The following GOLGA5 variants were observed in gnomAD, a reference collection of about 807,000 sequenced individuals.
GOLGA5 encodes the protein golgin subfamily A member 5.
A neutral mutation model predicts 93.5 loss-of-function variants in GOLGA5; 50 were observed. The observed-to-expected ratio is 0.53, with a 90% CI of 0.43 to 0.68. The LOEUF (loss-of-function observed/expected upper bound fraction) is 0.68, where lower values mean the gene tolerates loss of function less well. GOLGA5 is among the 30% of genes least tolerant of loss of function. The pLI, the probability that GOLGA5 is intolerant of heterozygous loss-of-function variation, is 0.00. For synonymous variants in GOLGA5, 312 were observed against 304.5 expected, an observed-to-expected ratio of 1.02 and a Z score of -0.26; for missense variants, 760 against 856.4, an observed-to-expected ratio of 0.89 and a Z score of 1.40.
intron 10 of GOLGA5, among the ~76,000 whole-genome samples, chr14:92,834,508 G>A (rs181510367): frequency 1.6e-3 from 243 of 152,288 alleles, no homozygotes; most frequent in Non-Finnish European, 2.8e-3. Flanking sequence ...GAACAATGAG[G>A]AGGCATAGAA....
At position 92,816,296 on chromosome 14, in the gene GOLGA5, G is replaced by C. The variant is rs759520012; in HGVS notation, c.1366G>C (p.Glu456Gln). The change falls in exon 7 of 13, where the codon GAA becomes CAA. Residue 456 changes from glutamate (E) to glutamine (Q), a missense_variant. Physicochemically the swap from Glu to Gln is conservative, Grantham distance 29. Coordinates refer to ENST00000163416, the MANE Select transcript of GOLGA5 (RefSeq NM_005113.4). ...CAGCTTGAAAGAAGGCTCTGGTTTT[G>C]AAGGCCTAGATAGCAGCACTGCCAG... Reference protein sequence around the residue: ...INSLKEGSGFEGLDSSTASSM... With the variant: ...INSLKEGSGFQGLDSSTASSM... 3.7e-6 allele frequency: 6 copies of C among 1,613,860 alleles called. No individual in the cohort carries two copies. Among genetic ancestry groups the C allele is most frequent in the Non-Finnish European group, 5.1e-6 (6 of 1,179,794 alleles).
chr14:92,797,771 C>G lies in GOLGA5; in HGVS notation c.334C>G (p.Arg112Gly), dbSNP rs780072747. The change falls in exon 2 of 13, where the codon CGA becomes GGA. Residue 112 changes from arginine to glycine, a missense_variant. Transcript: ENST00000163416. ...TCCTAGGCCTTCATCCCATTTTGTG[C>G]GAAGAAAAAAGTCAGAACCTGATGA... is the stretch of plus-strand genomic sequence containing the variant. ...SVPRPSSHFV[R>G]RKKSEPDDEL... 6 of 1,612,398 alleles carry G rather than the reference C, an allele frequency of 3.7e-6. No individual in the cohort carries two copies. Among genetic ancestry groups the G allele is most frequent in the Non-Finnish European group, 3.4e-6 (4 of 1,179,258 alleles).
intron 8 of GOLGA5, among the ~76,000 whole-genome samples, chr14:92,821,402 T>C (rs984236078): frequency 2.6e-5 from 4 of 152,196 alleles, no homozygotes; most frequent in African/African-American, 9.6e-5. Flanking sequence ...TGTACTCATA[T>C]AATAGTTTCA....
chr14:92,834,410 G>T (rs891736347), intron 10 of GOLGA5, among the ~76,000 whole-genome samples: 6 of 150,568 alleles, frequency 4.0e-5, no homozygotes, highest in Admixed American at 1.3e-4. Flanking sequence ...CTGTGTCCAT[G>T]TGTTCTCATT....
At chr14:92,837,492 T>G in intron 12 of GOLGA5, 43 bp downstream of exon 12, 1 of 778,122 alleles carries the variant, frequency 1.3e-6, no homozygotes, top group Non-Finnish European at 2.1e-6. Flanking sequence ...ACTTGATTTT[T>G]AACTAGTTTT....
intron 8 of GOLGA5, among the ~76,000 whole-genome samples, chr14:92,820,388 C>T (rs549723423): frequency 5.9e-5 from 9 of 152,350 alleles, no homozygotes; most frequent in Middle Eastern, 3.4e-3. Context: ...CAACATGTCT[C>T]GCCTCCAGTC....
At chr14:92,810,547 A>T in intron 5 of GOLGA5, 170 bp downstream of exon 5, 1 of 434,608 alleles carries the variant, frequency 2.3e-6, no homozygotes, top group Non-Finnish European at 4.0e-6. Context: ...TCCTTGCTAA[A>T]TGTATTTAAT....
intron 8 of GOLGA5, among the ~76,000 whole-genome samples, chr14:92,820,620 C>CTATCA (rs1885298122): frequency 3.3e-5 from 5 of 152,322 alleles, no homozygotes; most frequent in Admixed American, 3.3e-4. Context: ...ATATCTCAGG[C>CTATCA]TATCACATGG....
chr14:92,829,221 C>G (rs1397159391), intron 9 of GOLGA5, among the ~76,000 whole-genome samples: 1 of 152,142 alleles, frequency 6.6e-6, no homozygotes, highest in Non-Finnish European at 1.5e-5. Context: ...TCTCAGCCTT[C>G]CAGAGTGCTG....
rs561110460 is a variant in GOLGA5, at chr14:92,823,871, A to G, written c.1621-675A>G. 5.9e-5 allele frequency among the ~76,000 whole-genome samples: 9 copies of G among 152,282 alleles called. No homozygotes were observed. In the South Asian group the frequency reaches 1.9e-3, roughly 32 times the overall value. ...TTTATGATGTTGTATTCCTAAGAAT[A>G]TGATATGACTTTTTATATGTTCCAG... is the stretch of plus-strand genomic sequence containing the variant. On this transcript the variant is annotated intron_variant, in intron 8 of 12. Coordinates refer to ENST00000163416, the MANE Select transcript of GOLGA5 (RefSeq NM_005113.4).
intron 6 of GOLGA5, among the ~76,000 whole-genome samples, chr14:92,814,210 C>T (rs368943790): frequency 2.0e-5 from 3 of 152,024 alleles, no homozygotes; most frequent in African/African-American, 7.2e-5. Context: ...TCTAAAAACA[C>T]AGTCTTAAAC....
intron 9 of GOLGA5, among the ~76,000 whole-genome samples, chr14:92,832,026 C>T (rs546147991): frequency 1.3e-5 from 2 of 152,234 alleles, no homozygotes; most frequent in South Asian, 4.1e-4. Context: ...GACAATGATT[C>T]TTGCCCTCAT....
chr14:92,801,549 C>T (rs1023822634), intron 2 of GOLGA5, among the ~76,000 whole-genome samples: 11 of 152,036 alleles, frequency 7.2e-5, no homozygotes, highest in South Asian at 2.1e-4. Context: ...TTTTCCTCCT[C>T]CAGTTTTACC....
intron 9 of GOLGA5, among the ~76,000 whole-genome samples, chr14:92,829,594 T>TA (rs1010550854): frequency 5.9e-5 from 9 of 152,188 alleles, no homozygotes; most frequent in African/African-American, 7.2e-5. Context: ...TAATAAAACT[T>TA]AAACAGATGA....
intron 2 of GOLGA5, among the ~76,000 whole-genome samples, chr14:92,801,297 T>A (rs1884864338): frequency 3.3e-5 from 5 of 152,252 alleles, no homozygotes; most frequent in Admixed American, 2.6e-4. Context: ...CTTCTTTTGC[T>A]CCACATTTTC....
At chr14:92,829,191 A>G (rs543330276) in intron 9 of GOLGA5, among the ~76,000 whole-genome samples, 1 of 152,144 alleles carries the variant, frequency 6.6e-6, no homozygotes, top group South Asian at 2.1e-4. Flanking sequence ...TCAAACTCCT[A>G]GGCTCAAGTA....
At chr14:92,835,709 T>G in intron 11 of GOLGA5, 45 bp downstream of exon 11, 3 of 1,214,140 alleles carry the variant, frequency 2.5e-6, no homozygotes, top group Non-Finnish European at 3.6e-6. Context: ...TCAGCTGTTT[T>G]TACGTTTTTC....
intron 12 of GOLGA5, 46 bp downstream of exon 12, chr14:92,837,495 C>T (rs767227896): frequency 1.3e-6 from 1 of 742,560 alleles, no homozygotes; most frequent in Non-Finnish European, 2.2e-6. Context: ...TGATTTTTAA[C>T]TAGTTTTTTT....
At chr14:92,809,052 A>G (rs889126990) in intron 3 of GOLGA5, among the ~76,000 whole-genome samples, 7 of 152,194 alleles carry the variant, frequency 4.6e-5, no homozygotes, top group Non-Finnish European at 1.0e-4. Context: ...ATGCTTTATC[A>G]TATAGAAACA....
Sources: allele counts gnomAD v4.1 joint callset (sites outside exome capture counted in the v4.1 genomes callset), GRCh38; gene constraint gnomAD v4.1.1; transcripts MANE v1.5; gene names NCBI Gene and HGNC (gene_info 2026-07-23, HGNC 2026-07-21).